UROD: variants seen among roughly 807,000 people sequenced by gnomAD.
UROD encodes the protein uroporphyrinogen decarboxylase.
A neutral mutation model predicts 47.1 loss-of-function variants in UROD; 34 were observed. That is an observed-to-expected ratio of 0.72 (90% CI 0.55 to 0.96). The LOEUF (loss-of-function observed/expected upper bound fraction) is 0.96. UROD is among the 40% of genes least tolerant of loss of function. The pLI, the probability that UROD is intolerant of heterozygous loss-of-function variation, is 0.00. For missense variants in UROD, 381 were observed against 471.8 expected (o/e 0.81, Z 1.78); for synonymous variants, 148 against 175.8 (o/e 0.84, Z 1.25).
chr1:45,014,357 G>A, intron 6 of UROD, 82 bp from the exon 7 acceptor site: 1 of 1,607,516 alleles, frequency 6.2e-7, no homozygotes, highest in Non-Finnish European at 8.5e-7. Flanking sequence ...AAGTCATTTG[G>A]GGAAAATTGA....
rs186269864 is a variant in UROD at position 45,014,588 on chromosome 1, G to A, written c.774+12G>A. 478 of 1,614,150 alleles carry A rather than the reference G, an allele frequency of 3.0e-4. No individual in the cohort carries two copies. Among genetic ancestry groups the A allele is most frequent in the Admixed American group, 5.0e-4 (30 of 60,030 alleles). ...CACCAGTGCCCATGGTGAGGATTGGGATGGGTTGAGTGAAGGTGGTCCTGT... is the reference window on the plus strand; with the variant it reads ...CACCAGTGCCCATGGTGAGGATTGGAATGGGTTGAGTGAAGGTGGTCCTGT... On this transcript the variant is annotated intron_variant, in intron 7 of 9. Transcript: ENST00000246337.
chr1:45,014,650 ACCACTGGAGGG>A, intron 7 of UROD, 74 bp downstream of exon 7: 1 of 1,613,630 alleles, frequency 6.2e-7, no homozygotes. Flanking sequence ...GACTGGAGTG[ACCACTGGAGGG>A]CAGCAGAAGT....
rs1339493183 is a variant in UROD, at chr1:45,013,587, C to T, written c.277-7C>T. The T allele has an allele frequency of 6.2e-6, 10 of 1,614,132 alleles. No individual in the cohort carries two copies. Among genetic ancestry groups the T allele is most frequent in the South Asian group, 2.2e-5 (2 of 91,070 alleles). ...TTTGGGAACCCAGATGTTTTCTCCCCCTCCAGGCACTGGGCATGGAGGTGA... is the reference window on the plus strand; with the variant it reads ...TTTGGGAACCCAGATGTTTTCTCCCTCTCCAGGCACTGGGCATGGAGGTGA... On this transcript the variant is annotated splice_region_variant and splice_polypyrimidine_tract_variant and intron_variant, in intron 4 of 9. Coordinates refer to ENST00000246337, the MANE Select transcript of UROD (RefSeq NM_000374.5). This position sits in a 1 kb window ranked among gnomAD's most constrained non-coding sequence, Gnocchi z 4.2.
At chr1:45,015,079 A>G (rs1165045908) in intron 9 of UROD, 73 bp downstream of exon 9, 1 of 1,604,712 alleles carries the variant, frequency 6.2e-7, no homozygotes, top group Non-Finnish European at 8.5e-7. Flanking sequence ...TTCTGTGTGC[A>G]CTTGTTTTTA....
chr1:45,012,836 A>G (rs760270618), intron 1 of UROD, 71 bp from the exon 2 acceptor site: 2 of 1,594,208 alleles, frequency 1.3e-6, no homozygotes, highest in Non-Finnish European at 1.7e-6. Context: ...AATCGGCCTT[A>G]TGAACCCGCG....
In UROD at chr1:45,014,079, TGAGA is replaced by T. The variant is rs750013667; in HGVS notation, c.636+18_636+21del. ...TGGTGGCTGGTGCCCAGGTGAGTCC[TGAGA>T]GAGAGAGAAATAGGCTGGGATTTGG... is the stretch of plus-strand genomic sequence containing the variant. On this transcript the variant is annotated intron_variant, in intron 6 of 9. Transcript: ENST00000246337. 2.5e-6 allele frequency: 4 copies of T among 1,612,842 alleles called. No individual in the cohort carries two copies. The highest frequency in any genetic ancestry group is 3.4e-6 in the Non-Finnish European group (4 of 1,178,972).
chr1:45,013,403 A>C lies in UROD; in HGVS notation c.276+49A>C. 1 of 1,613,372 alleles carries C rather than the reference A, an allele frequency of 6.2e-7. No individual in the cohort carries two copies. Among genetic ancestry groups the C allele is most frequent in the African/African-American group, 1.3e-5 (1 of 75,042 alleles). ...GAATATAATCCAAGGACGCCTTGAA[A>C]ATCCTTCTATCAGTCCAGTCAAGGT... On this transcript the variant is annotated intron_variant, in intron 4 of 9. Coordinates refer to ENST00000246337, the MANE Select transcript of UROD (RefSeq NM_000374.5). The surrounding 1 kb of genome is among the most constrained non-coding windows in gnomAD (Gnocchi z 4.2).
Position 45,014,003 on chromosome 1 carries a change from A to G in UROD, c.569A>G (p.Gln190Arg), listed in dbSNP as rs756089330. ...WLYQRPQASH[Q>R]LLRILTDALV... The stretch of plus-strand genomic sequence containing the variant: ...TATCAGAGACCTCAGGCTAGTCACC[A>G]GCTGCTTCGCATCCTCACTGATGCT... Residue 190 changes from glutamine to arginine, a missense_variant, in exon 6 of 10, where the codon CAG becomes CGG. By Grantham distance (43) the Gln-to-Arg change is conservative (BLOSUM62 1). Transcript: ENST00000246337. The G allele has an allele frequency of 6.2e-7, 1 of 1,614,264 alleles. No homozygotes were observed. The highest frequency in any genetic ancestry group is 8.5e-7 in the Non-Finnish European group (1 of 1,180,044).
At chr1:45,012,721 C>T in intron 1 of UROD, 186 bp from the exon 2 acceptor site, 7 of 1,294,964 alleles carry the variant, frequency 5.4e-6, no homozygotes, top group Non-Finnish European at 7.5e-6. Flanking sequence ...AGGGCGGGCC[C>T]TTCTGGAGTT....
In UROD at chr1:45,012,896, C is replaced by A; in HGVS notation, c.21-11C>A. 6.2e-7 allele frequency: 1 copy of A among 1,613,654 alleles called. No individual in the cohort carries two copies. Among genetic ancestry groups the A allele is most frequent in the South Asian group, 1.1e-5 (1 of 91,060 alleles). On this transcript the variant is annotated splice_polypyrimidine_tract_variant and intron_variant, in intron 1 of 9. Transcript: ENST00000246337. ...TACTGACACCTACCCCCACCCCCAC[C>A]TGATCGCCAGACCTCAGGGTTTTCC...
intron 8 of UROD, 49 bp from the exon 9 acceptor site, chr1:45,014,891 A>G (rs780521903): frequency 6.2e-7 from 1 of 1,613,868 alleles, no homozygotes; most frequent in Non-Finnish European, 8.5e-7. Flanking sequence ...TGGCTGGGGG[A>G]GCTGCCATGT....
At position 45,014,760 on chromosome 1, in the gene UROD, T is replaced by C; in HGVS notation, c.799T>C (p.Phe267Leu). The change falls in exon 8 of 10, where the codon TTT becomes CTT. Residue 267 changes from phenylalanine (F) to leucine (L), a missense_variant. Physicochemically the swap from Phe to Leu is conservative, Grantham distance 22. Coordinates refer to ENST00000246337, the MANE Select transcript of UROD (RefSeq NM_000374.5). ...PMIIFAKDGH[F>L]ALEELAQAGY... ...GATCATCTTTGCTAAGGATGGGCATTTTGCCCTGGAGGAGCTGGCCCAAGC... is the reference window on the plus strand; with the variant it reads ...GATCATCTTTGCTAAGGATGGGCATCTTGCCCTGGAGGAGCTGGCCCAAGC... 2 of 1,614,222 alleles carry C rather than the reference T, an allele frequency of 1.2e-6. No individual in the cohort carries two copies. The highest frequency in any genetic ancestry group is 1.7e-6 in the Non-Finnish European group (2 of 1,180,040).
At position 45,012,983 on chromosome 1, in the gene UROD, G is replaced by C. The variant is rs1156453623; in HGVS notation, c.97G>C (p.Val33Leu). ...AWGEETDYTP[V>L]WCMRQAGRYL... Reference sequence around the variant, plus strand: ...GGGAGAGGAAACAGACTACACTCCCGTTTGGTGCATGCGCCAGGCAGGCCG... The same window carrying C: ...GGGAGAGGAAACAGACTACACTCCCCTTTGGTGCATGCGCCAGGCAGGCCG... Residue 33 changes from valine to leucine, a missense_variant, in exon 2 of 10, where the codon GTT (valine) becomes CTT (leucine). Transcript: ENST00000246337. 6.2e-7 allele frequency: 1 copy of C among 1,613,698 alleles called. No individual in the cohort carries two copies. The highest frequency in any genetic ancestry group is 8.5e-7 in the Non-Finnish European group (1 of 1,179,992).
rs769599684 is a variant in UROD, at chr1:45,013,829, G to A, written c.474+38G>A. The A allele has an allele frequency of 8.7e-6, 14 of 1,614,052 alleles. No individual in the cohort carries two copies. The highest frequency in any genetic ancestry group is 1.7e-5 in the Admixed American group (1 of 60,010). ...AGGGCAGGGACTCGGGGCGCGGGGA[G>A]ATCACTCTGGAAGGTCTGGGGTAGA... On this transcript the variant is annotated intron_variant, in intron 5 of 9. Coordinates refer to ENST00000246337, the MANE Select transcript of UROD (RefSeq NM_000374.5). This position sits in a 1 kb window ranked among gnomAD's most constrained non-coding sequence, Gnocchi z 4.2.
chr1:45,013,467 A>T lies in UROD; in HGVS notation c.276+113A>T, dbSNP rs1644822471. On this transcript the variant is annotated intron_variant, in intron 4 of 9. Transcript: ENST00000246337. The surrounding 1 kb of genome is among the most constrained non-coding windows in gnomAD (Gnocchi z 4.2). ...TTATCCTAACTGGATCGAGGGAAAAACTAAGGTTGAAAGAAATGGAGTTTG... is the reference window on the plus strand; with the variant it reads ...TTATCCTAACTGGATCGAGGGAAAATCTAAGGTTGAAAGAAATGGAGTTTG... 2 of 1,604,878 alleles carry T rather than the reference A, an allele frequency of 1.2e-6. No homozygotes were observed. The highest frequency in any genetic ancestry group is 2.7e-5 in the African/African-American group (2 of 74,734).
At chr1:45,015,164 C>A in intron 9 of UROD, 158 bp downstream of exon 9, 1 of 1,429,774 alleles carries the variant, frequency 7.0e-7, no homozygotes, top group Non-Finnish European at 9.6e-7. Flanking sequence ...TGCTGTTGTT[C>A]ATTTGTGTTT....
intron 1 of UROD, 26 bp downstream of exon 1, chr1:45,012,311 GGCTA>G (rs1200465316): frequency 6.2e-7 from 1 of 1,614,074 alleles, no homozygotes; most frequent in East Asian, 2.2e-5. Context: ...CACGCGGTGT[GGCTA>G]GCCGGGCTTC....
Position 45,013,154 on chromosome 1 carries a change from C to A in UROD, c.152C>A (p.Ala51Asp), listed in dbSNP as rs566027438. 5.0e-6 allele frequency: 8 copies of A among 1,614,174 alleles called. No individual in the cohort carries two copies. In the African/African-American group the frequency reaches 1.1e-4, roughly 22 times the overall value. Residue 51 changes from alanine to aspartate, a missense_variant, in exon 3 of 10, where the codon GCT becomes GAT. Transcript: ENST00000246337. This position sits in a 1 kb window ranked among gnomAD's most constrained non-coding sequence, Gnocchi z 4.2. ...RYLPEFRETR[A>D]AQDFFSTCRS... Reference sequence around the variant, plus strand: ...TATGCAGAGTTTAGGGAAACCCGGGCTGCCCAGGACTTTTTCAGCACGTGT... The same window carrying A: ...TATGCAGAGTTTAGGGAAACCCGGGATGCCCAGGACTTTTTCAGCACGTGT...
rs757617255 is a variant in UROD, at chr1:45,015,506, C to A, written c.*8C>A. The A allele has an allele frequency of 2.5e-6, 4 of 1,614,062 alleles. No homozygotes were observed. The East Asian group carries it at 8.9e-5, about 36-fold the overall frequency. ...CTGCTTCGACAGAACTGAGTGTATACCTTTACCCTCAAGTACCACTAACAC... is the reference window on the plus strand; with the variant it reads ...CTGCTTCGACAGAACTGAGTGTATAACTTTACCCTCAAGTACCACTAACAC... On this transcript the variant is annotated 3_prime_UTR_variant, in exon 10 of 10. Coordinates refer to ENST00000246337, the MANE Select transcript of UROD (RefSeq NM_000374.5).
Sources: allele counts gnomAD v4.1 joint callset, GRCh38; gene constraint gnomAD v4.1.1; non-coding constraint Gnocchi (gnomAD v3.1); transcripts MANE v1.5; gene names NCBI Gene and HGNC (gene_info 2026-07-23, HGNC 2026-07-21).